Variants in UPK1B observed in about 807,000 individuals in gnomAD.
The protein encoded by UPK1B is uroplakin 1B, also known as uroplakin-1b.
UPK1B carries 28 observed loss-of-function variants against 34.2 expected under a neutral mutation model. The observed-to-expected ratio is 0.82, with a 90% CI of 0.61 to 1.12. The LOEUF (loss-of-function observed/expected upper bound fraction) is 1.12. UPK1B is among the 50% of genes most tolerant of loss of function. The probability of loss-of-function intolerance (pLI) is 0.00; values close to 1 mark genes in which losing one functional copy is unlikely to be tolerated. For synonymous variants in UPK1B, 81 were observed against 110.4 expected, an observed-to-expected ratio of 0.73 and a Z score of 1.67; for missense variants, 325 against 320.9, an observed-to-expected ratio of 1.01 and a Z score of -0.10.
intron 3 of UPK1B, among the ~76,000 whole-genome samples, chr3:119,188,267 A>C (rs2078028759): frequency 6.6e-6 from 1 of 152,248 alleles, no homozygotes; most frequent in Non-Finnish European, 1.5e-5. Context: ...GCATACACCC[A>C]GTAGGTACAG....
At chr3:119,194,433 G>C (rs2078057871) in intron 6 of UPK1B, 35 bp downstream of exon 6, 1 of 1,569,274 alleles carries the variant, frequency 6.4e-7, no homozygotes, top group Non-Finnish European at 8.6e-7. Flanking sequence ...TTCCCAGGAG[G>C]TTCTGCTGCT....
At chr3:119,180,254 G>A (rs2077983439) in intron 1 of UPK1B, among the ~76,000 whole-genome samples, 1 of 152,234 alleles carries the variant, frequency 6.6e-6, no homozygotes, top group Non-Finnish European at 1.5e-5. Flanking sequence ...ATTGGAGGAG[G>A]CCAGCCACGT....
intron 1 of UPK1B, among the ~76,000 whole-genome samples, chr3:119,176,459 A>G (rs1202114091): frequency 6.6e-6 from 1 of 152,230 alleles, no homozygotes; most frequent in Non-Finnish European, 1.5e-5. Context: ...ACAATAAAGA[A>G]AAAACAAGAA....
At chr3:119,197,095 T>C (rs1191583545) in intron 6 of UPK1B, among the ~76,000 whole-genome samples, 3 of 152,198 alleles carry the variant, frequency 2.0e-5, no homozygotes, top group Non-Finnish European at 2.9e-5. Context: ...GGATCTACAA[T>C]GCACAAATGT....
At chr3:119,189,029 G>A (rs1273382654) in intron 3 of UPK1B, among the ~76,000 whole-genome samples, 2 of 152,166 alleles carry the variant, frequency 1.3e-5, no homozygotes, top group Non-Finnish European at 1.5e-5. Flanking sequence ...AGACACAGGT[G>A]TTCCTAAAGA....
rs1476581480 is a variant in UPK1B, at chr3:119,190,346, A to T, written c.345+27A>T. The T allele has an allele frequency of 1.9e-6, 3 of 1,546,868 alleles. No homozygotes were observed. The South Asian group carries it at 3.4e-5, about 17-fold the overall frequency. The stretch of plus-strand genomic sequence containing the variant: ...TGAGTACAACCTCAAAAAGCAAAAT[A>T]ATATGAATTATCATTATTATAACAA... On this transcript the variant is annotated intron_variant, in intron 4 of 7. Transcript: ENST00000264234.
intron 1 of UPK1B, among the ~76,000 whole-genome samples, chr3:119,177,640 A>G (rs1410399361): frequency 6.6e-6 from 1 of 152,268 alleles, no homozygotes; most frequent in Non-Finnish European, 1.5e-5. Context: ...AAGTGTAGTC[A>G]TTGACTTCTA....
In UPK1B at chr3:119,179,384, T is replaced by G. The variant is rs549370370; in HGVS notation, c.-29+5746T>G. Among the ~76,000 whole-genome samples, 351 of 84,644 alleles carry G rather than the reference T, an allele frequency of 4.1e-3. 13 individuals are homozygous for G. Among genetic ancestry groups the G allele is most frequent in the South Asian group, 8.3e-3 (16 of 1,920 alleles). The allele number at this position is 84,644 out of a possible 152,430, so 55.5% of individuals were successfully genotyped here. ...ATATATATATATATATATATATATA[T>G]ATATATATATATATTAATTCTAAGG... On this transcript the variant is annotated intron_variant, in intron 1 of 7. Transcript: ENST00000264234.
rs199952736 is a variant in UPK1B, at chr3:119,194,210, T to C, written c.469-9T>C. On this transcript the variant is annotated splice_polypyrimidine_tract_variant and intron_variant, in intron 5 of 7. Coordinates refer to ENST00000264234, the MANE Select transcript of UPK1B (RefSeq NM_006952.4). ...GAAAGAGAATTTTGTATCTCTCATC[T>C]GCTGACAGGACAATTGCTGTGGCGT... is the stretch of plus-strand genomic sequence containing the variant. The C allele has an allele frequency of 6.2e-6, 10 of 1,613,326 alleles. No individual in the cohort carries two copies. Among genetic ancestry groups the C allele is most frequent in the Non-Finnish European group, 7.6e-6 (9 of 1,179,620 alleles).
intron 1 of UPK1B, among the ~76,000 whole-genome samples, chr3:119,181,412 T>G (rs1409142728): frequency 2.6e-5 from 4 of 152,156 alleles, no homozygotes; most frequent in Non-Finnish European, 5.9e-5. Context: ...ATAAGCAAAA[T>G]TAGTATTGGG....
At chr3:119,187,575 G>T (rs529827581) in intron 2 of UPK1B, among the ~76,000 whole-genome samples, 200 bp from the exon 3 acceptor site, 2 of 152,310 alleles carry the variant, frequency 1.3e-5, no homozygotes, top group East Asian at 3.9e-4. Flanking sequence ...TTACTAAATA[G>T]ACAGAATAAC....
chr3:119,200,949 T>G (rs536155410), intron 7 of UPK1B, among the ~76,000 whole-genome samples: 2 of 152,250 alleles, frequency 1.3e-5, no homozygotes, highest in African/African-American at 2.4e-5. Context: ...ATGCAGAATA[T>G]TTAAAAAGAT....
chr3:119,195,541 G>T (rs1195582954), intron 6 of UPK1B, among the ~76,000 whole-genome samples: 2 of 152,186 alleles, frequency 1.3e-5, no homozygotes, highest in African/African-American at 4.8e-5. Flanking sequence ...GAGCTTTACT[G>T]CAACATTGTC....
At chr3:119,190,800 A>T (rs186267347) in intron 4 of UPK1B, among the ~76,000 whole-genome samples, 182 bp from the exon 5 acceptor site, 2 of 152,302 alleles carry the variant, frequency 1.3e-5, no homozygotes, top group East Asian at 3.9e-4. Context: ...TTAAGATGAG[A>T]GTCTCTTCTC....
chr3:119,176,565 CAG>C (rs2077957871), intron 1 of UPK1B, among the ~76,000 whole-genome samples: 1 of 152,218 alleles, frequency 6.6e-6, no homozygotes. Flanking sequence ...TACCAGGCCA[CAG>C]GGCAGTTTTC....
chr3:119,188,125 G>T, intron 3 of UPK1B, 150 bp downstream of exon 3: 1 of 853,444 alleles, frequency 1.2e-6, no homozygotes, highest in Non-Finnish European at 1.8e-6. Flanking sequence ...GCAGTGAAAT[G>T]GTCCACATGG....
At position 119,204,283 on chromosome 3, in the gene UPK1B, A is replaced by T. The variant is rs2078108650; in HGVS notation, c.*316A>T. ...AAATACATTCGAAGGAACCTGTGTT[A>T]TCACAGTAACCCAGAGCTGTATTTG... On this transcript the variant is annotated 3_prime_UTR_variant, in exon 8 of 8. Transcript: ENST00000264234. 1 of 318,624 alleles carries T rather than the reference A, an allele frequency of 3.1e-6. No individual in the cohort carries two copies. Among genetic ancestry groups the T allele is most frequent in the African/African-American group, 2.1e-5 (1 of 47,966 alleles). 19.7% of individuals were successfully genotyped at this position (318,624 alleles called of 1,614,324 possible). A position where few individuals can be genotyped will look rare whatever the true frequency, so the allele number is the denominator to read the frequency against.
At position 119,184,235 on chromosome 3, in the gene UPK1B, T is replaced by C. The variant is rs1165916726; in HGVS notation, c.-28-2479T>C. 2.6e-5 allele frequency among the ~76,000 whole-genome samples: 4 copies of C among 152,200 alleles called. No individual in the cohort carries two copies. The East Asian group carries it at 5.8e-4, about 22-fold the overall frequency. On this transcript the variant is annotated intron_variant, in intron 1 of 7. Transcript: ENST00000264234. ...GTCTAAACTCTGTGTGGCAGAGTCA[T>C]CTCTGGAAAAGTCTGTACGTCACGG...
At chr3:119,198,886 T>A (rs1010403911) in intron 6 of UPK1B, among the ~76,000 whole-genome samples, 171 bp from the exon 7 acceptor site, 3 of 152,230 alleles carry the variant, frequency 2.0e-5, no homozygotes, top group African/African-American at 7.2e-5. Context: ...TTATGTTCCC[T>A]TAGTAAAGCA....
Sources: allele counts gnomAD v4.1 joint callset (sites outside exome capture counted in the v4.1 genomes callset), GRCh38; gene constraint gnomAD v4.1.1; transcripts MANE v1.5; gene names NCBI Gene and HGNC (gene_info 2026-07-23, HGNC 2026-07-21).